TULP4: variants seen among roughly 807,000 people sequenced by gnomAD.
TULP4 encodes TUB like protein 4, also known as tubby-related protein 4.
TULP4 carries 16 observed loss-of-function variants against 129.0 expected under a neutral mutation model. That is an observed-to-expected ratio of 0.12 (90% CI 0.08 to 0.19). The LOEUF (loss-of-function observed/expected upper bound fraction) is 0.19, where lower values mean the gene tolerates loss of function less well. TULP4 is among the 10% of genes least tolerant of loss of function. TULP4 has a pLI of 1.00. For synonymous variants in TULP4, 998 were observed against 854.0 expected (o/e 1.17, Z -2.94); for missense variants, 1,842 against 2,059.1 (o/e 0.89, Z 2.04).
chr6:158,286,932 G>A (rs528563313), intron 1 of TULP4, among the ~76,000 whole-genome samples: 1 of 152,264 alleles, frequency 6.6e-6, no homozygotes, highest in African/African-American at 2.4e-5. Flanking sequence ...TTGTGAGGAC[G>A]CACAGTAATG....
At chr6:158,460,759 CAAAT>C (rs1297565577) in intron 5 of TULP4, among the ~76,000 whole-genome samples, 1 of 152,150 alleles carries the variant, frequency 6.6e-6, no homozygotes, top group Non-Finnish European at 1.5e-5. Context: ...GCCCAGAAAT[CAAAT>C]GAATATAAAC....
At position 158,505,296 on chromosome 6, in the gene TULP4, T is replaced by C. The variant is rs1780575326; in HGVS notation, c.4515+1118T>C. On this transcript the variant is annotated intron_variant, in intron 13 of 13. Transcript: ENST00000367097. ...CGTTAATTCACTCAATAAATGTTAT[T>C]GAGAACCTGCCGTGTGCCTGGCAAT... Among the ~76,000 whole-genome samples, 3 of 151,096 alleles carry C rather than the reference T, an allele frequency of 2.0e-5. No individual in the cohort carries two copies. The South Asian group carries it at 6.3e-4, about 32-fold the overall frequency.
At chr6:158,471,368 G>A (rs1044450282) in intron 6 of TULP4, among the ~76,000 whole-genome samples, 2 of 152,210 alleles carry the variant, frequency 1.3e-5, no homozygotes, top group Non-Finnish European at 2.9e-5. Context: ...CTAAAATTAG[G>A]AACTGGAAAG....
chr6:158,470,246 C>T (rs546392171), intron 6 of TULP4, among the ~76,000 whole-genome samples: 33 of 152,264 alleles, frequency 2.2e-4, no homozygotes, highest in Middle Eastern at 3.4e-3. Context: ...TCTGCGACGG[C>T]GGCAAACAGC....
intron 2 of TULP4, among the ~76,000 whole-genome samples, chr6:158,419,547 T>A (rs1778290835): frequency 6.6e-6 from 1 of 152,204 alleles, no homozygotes; most frequent in African/African-American, 2.4e-5. Flanking sequence ...CTTAGCAGAT[T>A]ACATTTGTAA....
At position 158,504,193 on chromosome 6, in the gene TULP4, C is replaced by T; in HGVS notation, c.4515+15C>T. 6.5e-7 allele frequency: 1 copy of T among 1,534,960 alleles called. No homozygotes were observed. ...AGGGGCGGCAGGTAAGACCTCAGAC[C>T]AGGTGGCGCTGCGAGCCCAGGAGGC... On this transcript the variant is annotated intron_variant, in intron 13 of 13. Coordinates refer to ENST00000367097, the MANE Select transcript of TULP4 (RefSeq NM_020245.5).
At chr6:158,371,635 C>G (rs1777071714) in intron 1 of TULP4, among the ~76,000 whole-genome samples, 1 of 152,180 alleles carries the variant, frequency 6.6e-6, no homozygotes, top group African/African-American at 2.4e-5. Context: ...GAGATTATAA[C>G]AGCGTCTTTT....
intron 6 of TULP4, among the ~76,000 whole-genome samples, chr6:158,462,163 A>G (rs1039708210): frequency 2.0e-5 from 3 of 152,236 alleles, no homozygotes; most frequent in Non-Finnish European, 4.4e-5. Flanking sequence ...GAGTTAACCC[A>G]AAGAAATGAG....
intron 1 of TULP4, among the ~76,000 whole-genome samples, chr6:158,363,217 T>TA (rs1159917512): frequency 6.6e-6 from 1 of 152,164 alleles, no homozygotes; most frequent in Non-Finnish European, 1.5e-5. Flanking sequence ...TGTACAGTGT[T>TA]ACAATAATTT....
intron 1 of TULP4, among the ~76,000 whole-genome samples, chr6:158,405,527 A>C (rs539579734): frequency 2.0e-5 from 3 of 152,304 alleles, no homozygotes; most frequent in East Asian, 3.9e-4. Context: ...GGTTTAGCAT[A>C]TGCTCTGCTA....
chr6:158,341,817 T>A (rs1780186486), intron 1 of TULP4, among the ~76,000 whole-genome samples: 1 of 152,250 alleles, frequency 6.6e-6, no homozygotes, highest in East Asian at 1.9e-4. Context: ...TATTAATCCC[T>A]TGTCAGATGG....
At chr6:158,339,709 A>G (rs763585824) in intron 1 of TULP4, among the ~76,000 whole-genome samples, 4 of 152,170 alleles carry the variant, frequency 2.6e-5, no homozygotes, top group African/African-American at 9.7e-5. Flanking sequence ...CAGGCAGCCA[A>G]ACTTTAAGGT....
intron 1 of TULP4, among the ~76,000 whole-genome samples, chr6:158,379,514 T>A (rs1777275854): frequency 6.6e-6 from 1 of 152,200 alleles, no homozygotes; most frequent in Admixed American, 6.5e-5. Flanking sequence ...GTGTAATGTT[T>A]CATGACGGTT....
At chr6:158,393,334 G>C in intron 1 of TULP4, among the ~76,000 whole-genome samples, 1 of 152,272 alleles carries the variant, frequency 6.6e-6, no homozygotes, top group South Asian at 2.1e-4. Context: ...ACAAGCTGTC[G>C]GTGGACCTAC....
chr6:158,268,749 A>G (rs1562500331), intron 1 of TULP4, among the ~76,000 whole-genome samples: 1 of 152,188 alleles, frequency 6.6e-6, no homozygotes, highest in Non-Finnish European at 1.5e-5. Context: ...CAGATGGAAA[A>G]TTATATTACT....
chr6:158,336,307 G>A (rs923507814), intron 1 of TULP4, among the ~76,000 whole-genome samples: 5 of 152,150 alleles, frequency 3.3e-5, no homozygotes, highest in Non-Finnish European at 5.9e-5. Context: ...AAATGTCTAT[G>A]TATATTGGAG....
At chr6:158,339,341 C>CACAAGGTCAGGGT (rs1780122904) in intron 1 of TULP4, among the ~76,000 whole-genome samples, 1 of 151,914 alleles carries the variant, frequency 6.6e-6, no homozygotes, top group Non-Finnish European at 1.5e-5. Flanking sequence ...AAGGTCAGGG[C>CACAAGGTCAGGGT]GGGATCACAA....
chr6:158,451,375 C>T (rs966427293), intron 4 of TULP4, among the ~76,000 whole-genome samples: 2 of 152,194 alleles, frequency 1.3e-5, no homozygotes, highest in Admixed American at 1.3e-4. Context: ...GCAGGTAGGC[C>T]CACCTCGATG....
chr6:158,286,512 A>G (rs1778838751), intron 1 of TULP4, among the ~76,000 whole-genome samples: 1 of 152,200 alleles, frequency 6.6e-6, no homozygotes, highest in African/African-American at 2.4e-5. Flanking sequence ...TACATGCTAG[A>G]TCATAGACTA....
Sources: gnomAD v4.1 joint callset for allele counts (sites outside exome capture counted in the v4.1 genomes callset) on GRCh38, gnomAD v4.1.1 for gene constraint, MANE v1.5 for transcripts, NCBI Gene and HGNC (gene_info 2026-07-23, HGNC 2026-07-21) for gene names.